Variants in PIEZO2 observed in about 807,000 individuals in gnomAD.
PIEZO2 encodes piezo type mechanosensitive ion channel component 2, also known as piezo-type mechanosensitive ion channel component 2.
PIEZO2 carries 172 observed loss-of-function variants against 337.3 expected under a neutral mutation model. The observed-to-expected ratio is 0.51, with a 90% confidence interval of 0.45 to 0.58. The LOEUF (loss-of-function observed/expected upper bound fraction) is 0.58. PIEZO2 is among the 20% of genes least tolerant of loss of function. The probability of loss-of-function intolerance (pLI) is 0.00; values close to 1 mark genes in which losing one functional copy is unlikely to be tolerated. For synonymous variants in PIEZO2, 1,251 were observed against 1,228.5 expected, an observed-to-expected ratio of 1.02 and a Z score of -0.38; for missense variants, 3,028 against 3,391.3, an observed-to-expected ratio of 0.89 and a Z score of 2.66.
chr18:10,954,849 T>C lies in PIEZO2; in HGVS notation c.286+24686A>G, dbSNP rs1421043141. On this transcript the variant is annotated intron_variant, in intron 3 of 55. Coordinates refer to ENST00000674853, the MANE Select transcript of PIEZO2 (RefSeq NM_001378183.1). This position sits in a 1 kb window ranked among gnomAD's most constrained non-coding sequence, Gnocchi z 4.2. ...TTCTTCTCTCATTTCTCTCTGATGT[T>C]AGTAATGTTTTCCTTGATCTCCCCA... 1.3e-5 allele frequency among the ~76,000 whole-genome samples: 2 copies of C among 152,230 alleles called. No homozygotes were observed. Among genetic ancestry groups the C allele is most frequent in the African/African-American group, 4.8e-5 (2 of 41,450 alleles).
chr18:10,745,315 A>T (rs546138697), intron 30 of PIEZO2, among the ~76,000 whole-genome samples: 2 of 152,254 alleles, frequency 1.3e-5, no homozygotes, highest in South Asian at 4.2e-4. Context: ...AATTCTGTCC[A>T]TTAACATGCA....
Position 10,699,176 on chromosome 18 carries a change from C to A in PIEZO2, c.6443G>T (p.Cys2148Phe). The A allele has an allele frequency of 2.0e-6, 3 of 1,537,236 alleles. No individual in the cohort carries two copies. The highest frequency in any genetic ancestry group is 2.6e-6 in the Non-Finnish European group (3 of 1,146,906). ...ALFFHRSILK[C>F]HGLWDEDDMT... ...GTCATCTTCATCCCATAAGCCATGG[C>A]ACTGAGAAAGCAGGGACAGGGACAA... The change falls in exon 44 of 56, where the codon TGC becomes TTC. Residue 2148 changes from cysteine to phenylalanine, a missense_variant and splice_region_variant. Around this residue, in one of 5 missense-constraint regions of PIEZO2, gnomAD observed 1,925 missense variants for 2,051.9 expected, o/e 0.94. Coordinates refer to ENST00000674853, the MANE Select transcript of PIEZO2 (RefSeq NM_001378183.1).
Position 11,027,775 on chromosome 18 carries a change from T to G in PIEZO2, c.160+38352A>C, listed in dbSNP as rs2036586775. Among the ~76,000 whole-genome samples the G allele has an allele frequency of 6.6e-6, 1 of 152,246 alleles. No homozygotes were observed. Among genetic ancestry groups the G allele is most frequent in the African/African-American group, 2.4e-5 (1 of 41,460 alleles). ...TCTAACTCCAGGATTCATAGTGATC[T>G]TGATCTATCATTTAGCGTTTCAGTT... On this transcript the variant is annotated intron_variant, in intron 2 of 55. Transcript: ENST00000674853. The surrounding 1 kb of genome is among the most constrained non-coding windows in gnomAD (Gnocchi z 4.2).
rs146541304 is a variant in PIEZO2 at position 10,837,709 on chromosome 18, A to G, written c.917+17644T>C. ...GGTAGTCAGATATCCTCACAAAGCA[A>G]TGTTTGTGTTCCCAACCATTTTATA... On this transcript the variant is annotated intron_variant, in intron 7 of 55. Transcript: ENST00000674853. The surrounding 1 kb of genome is among the most constrained non-coding windows in gnomAD (Gnocchi z 4.4). Among the ~76,000 whole-genome samples the G allele has an allele frequency of 2.0e-5, 3 of 152,272 alleles. No individual in the cohort carries two copies. The highest frequency in any genetic ancestry group is 3.9e-4 in the East Asian group (2 of 5,184).
intron 4 of PIEZO2, among the ~76,000 whole-genome samples, chr18:10,875,035 C>G (rs1270246574): frequency 1.3e-5 from 2 of 152,056 alleles, no homozygotes; most frequent in Admixed American, 6.6e-5. Flanking sequence ...GATTTGATCA[C>G]TTTATATTGT....
intron 39 of PIEZO2, among the ~76,000 whole-genome samples, chr18:10,711,621 A>T (rs1023788780): frequency 1.2e-4 from 19 of 152,034 alleles, no homozygotes; most frequent in Non-Finnish European, 1.5e-5. Context: ...GTAACAAAAA[A>T]AAATCTCTGT....
chr18:11,058,925 G>A (rs554393181), intron 2 of PIEZO2, among the ~76,000 whole-genome samples: 4 of 152,222 alleles, frequency 2.6e-5, no homozygotes, highest in South Asian at 2.1e-4. Flanking sequence ...GATACTTCTC[G>A]AGAAGAGCAA....
rs1388810156 is a variant in PIEZO2, at chr18:10,682,085, G to A, written c.7686+19C>T. 1 of 1,526,056 alleles carries A rather than the reference G, an allele frequency of 6.6e-7. No individual in the cohort carries two copies. The highest frequency in any genetic ancestry group is 8.8e-7 in the Non-Finnish European group (1 of 1,140,116). 94.5% of individuals were successfully genotyped at this position (1,526,056 alleles called of 1,614,324 possible). ...GCGTGGGGCAAGGCTCTGGTAGGTG[G>A]GGTGTGCACAGAGATCACCTGATAC... On this transcript the variant is annotated intron_variant, in intron 50 of 55. Transcript: ENST00000674853. The surrounding 1 kb of genome is among the most constrained non-coding windows in gnomAD (Gnocchi z 5.6).
intron 4 of PIEZO2, among the ~76,000 whole-genome samples, chr18:10,884,650 CCTT>C (rs1288220486): frequency 6.6e-6 from 1 of 152,156 alleles, no homozygotes; most frequent in Non-Finnish European, 1.5e-5. Context: ...AAATCTCCGT[CCTT>C]CTACCACACT....
rs1227624806 is a variant in PIEZO2, at chr18:11,102,040, C to CT, written c.65-35819dup. On this transcript the variant is annotated intron_variant, in intron 1 of 55. Coordinates refer to ENST00000674853, the MANE Select transcript of PIEZO2 (RefSeq NM_001378183.1). The surrounding 1 kb of genome is among the most constrained non-coding windows in gnomAD (Gnocchi z 5.7). Reference sequence around the variant, plus strand: ...GGGGCCCTGATTTGGAGGCTATAGACTTAAGCATTCAGAATTATGCCTTTA... The same window carrying CT: ...GGGGCCCTGATTTGGAGGCTATAGACTTTAAGCATTCAGAATTATGCCTTTA... Among the ~76,000 whole-genome samples the CT allele has an allele frequency of 6.6e-6, 1 of 152,170 alleles. No individual in the cohort carries two copies. Among genetic ancestry groups the CT allele is most frequent in the Non-Finnish European group, 1.5e-5 (1 of 68,030 alleles).
In PIEZO2 at chr18:10,770,438, C is replaced by A. The variant is rs184301589; in HGVS notation, c.2786-130G>T. 2.0e-3 allele frequency: 1,718 copies of A among 864,768 alleles called. 24 individuals carry two copies. In the African/African-American group the frequency reaches 0.027, roughly 13 times the overall value. 53.6% of individuals were successfully genotyped at this position (864,768 alleles called of 1,614,324 possible). ...TACAGTGGATGAATTCTAAGAAAAC[C>A]AAAATCTGGAATAAGGATGATGTAA... On this transcript the variant is annotated intron_variant, in intron 20 of 55. Transcript: ENST00000674853.
At chr18:10,896,860 CAA>C in intron 4 of PIEZO2, among the ~76,000 whole-genome samples, 1 of 152,254 alleles carries the variant, frequency 6.6e-6, no homozygotes, top group Middle Eastern at 3.4e-3. Context: ...CACCTACTGC[CAA>C]AAAGAGTTGG....
chr18:10,889,620 G>A (rs766057495), intron 4 of PIEZO2, among the ~76,000 whole-genome samples: 4 of 152,160 alleles, frequency 2.6e-5, no homozygotes, highest in South Asian at 2.1e-4. Context: ...CCAACATTTC[G>A]TGGCTCTGAA....
intron 2 of PIEZO2, among the ~76,000 whole-genome samples, chr18:10,999,552 A>G (rs1568281401): frequency 6.6e-6 from 1 of 152,126 alleles, no homozygotes; most frequent in African/African-American, 2.4e-5. Context: ...TAATCTAGAG[A>G]TTATTTAAAA....
Position 11,140,444 on chromosome 18 carries a change from C to A in PIEZO2, c.64+8081G>T, listed in dbSNP as rs544673704. Among the ~76,000 whole-genome samples the A allele has an allele frequency of 2.6e-5, 4 of 152,336 alleles. No homozygotes were observed. The South Asian group carries it at 6.2e-4, about 24-fold the overall frequency. On this transcript the variant is annotated intron_variant, in intron 1 of 55. Transcript: ENST00000674853. ...ACCAGATCCAATTTCATGTTCCTTGCATCATTATTCCACACCCTAATACCC... is the reference window on the plus strand; with the variant it reads ...ACCAGATCCAATTTCATGTTCCTTGAATCATTATTCCACACCCTAATACCC...
chr18:11,033,590 A>T lies in PIEZO2; in HGVS notation c.160+32537T>A, dbSNP rs1376470863. Reference sequence around the variant, plus strand: ...TCCTGGAAAACTTCTCTGATGCTGAATGTCAAAATACTGCATTTCACTGAA... The same window carrying T: ...TCCTGGAAAACTTCTCTGATGCTGATTGTCAAAATACTGCATTTCACTGAA... On this transcript the variant is annotated intron_variant, in intron 2 of 55. Transcript: ENST00000674853. The surrounding 1 kb of genome is among the most constrained non-coding windows in gnomAD (Gnocchi z 4.2). 6.6e-6 allele frequency among the ~76,000 whole-genome samples: 1 copy of T among 152,254 alleles called. No homozygotes were observed. Among genetic ancestry groups the T allele is most frequent in the Non-Finnish European group, 1.5e-5 (1 of 68,046 alleles).
At chr18:11,056,082 G>C (rs1487471390) in intron 2 of PIEZO2, among the ~76,000 whole-genome samples, 1 of 152,200 alleles carries the variant, frequency 6.6e-6, no homozygotes, top group Non-Finnish European at 1.5e-5. Flanking sequence ...CCCACAGAGA[G>C]ACAGATCAGA....
intron 2 of PIEZO2, among the ~76,000 whole-genome samples, chr18:11,057,931 C>T (rs928661469): frequency 1.3e-5 from 2 of 152,200 alleles, no homozygotes; most frequent in African/African-American, 4.8e-5. Context: ...AACAAATCAT[C>T]AGCTTAAACA....
At chr18:11,018,220 G>GGT (rs3971612) in intron 2 of PIEZO2, among the ~76,000 whole-genome samples, 2,344 of 144,100 alleles carry the variant, frequency 0.016, 19 homozygotes, top group Non-Finnish European at 0.02. Context: ...TGGTGGTGGT[G>GGT]GTGTGTGTGT....
Sources: allele counts gnomAD v4.1 joint callset (sites outside exome capture counted in the v4.1 genomes callset), GRCh38; gene constraint gnomAD v4.1.1; regional missense constraint gnomAD v4.1.1; non-coding constraint Gnocchi (gnomAD v3.1); transcripts MANE v1.5; gene names NCBI Gene and HGNC (gene_info 2026-07-23, HGNC 2026-07-21).